LAMC3: variants seen among roughly 807,000 people sequenced by gnomAD.
LAMC3 encodes laminin subunit gamma-3.
LAMC3 carries 128 observed loss-of-function variants against 173.8 expected under a neutral mutation model. The observed-to-expected ratio is 0.74, with a 90% CI of 0.64 to 0.85. LAMC3 has a LOEUF of 0.85. Among genes scored for constraint, LAMC3 ranks in the 40% least tolerant of loss-of-function variants. The pLI, the probability that LAMC3 is intolerant of heterozygous loss-of-function variation, is 0.00. For missense variants in LAMC3, 2,022 were observed against 2,156.0 expected, an observed-to-expected ratio of 0.94 and a Z score of 1.23; for synonymous variants, 897 against 909.1, an observed-to-expected ratio of 0.99 and a Z score of 0.24.
rs769703483 is a variant in LAMC3 at position 131,026,264 on chromosome 9, G to A, written c.374-21G>A. 2 of 1,613,746 alleles carry A rather than the reference G, an allele frequency of 1.2e-6. No individual in the cohort carries two copies. The highest frequency in any genetic ancestry group is 1.1e-5 in the South Asian group (1 of 91,064). ...ACCTCCTTCCCCTTCCATAAAATGG[G>A]CCCCGTTTTCCTGGCTGCAGGGAAG... is the stretch of plus-strand genomic sequence containing the variant. On this transcript the variant is annotated intron_variant, in intron 1 of 27. Coordinates refer to ENST00000361069, the MANE Select transcript of LAMC3 (RefSeq NM_006059.4). This position sits in a 1 kb window ranked among gnomAD's most constrained non-coding sequence, Gnocchi z 4.8.
chr9:131,071,199 G>A (rs368056865), intron 17 of LAMC3, among the ~76,000 whole-genome samples: 64 of 152,306 alleles, frequency 4.2e-4, no homozygotes, highest in African/African-American at 1.5e-3. Flanking sequence ...AGAAATCCTC[G>A]TGGGGCATCC....
Position 131,067,970 on chromosome 9 carries a change from C to T in LAMC3, c.2594-108C>T, listed in dbSNP as rs541321575. On this transcript the variant is annotated intron_variant, in intron 14 of 27. Transcript: ENST00000361069. Reference sequence around the variant, plus strand: ...GCGTCTGAATCTGGGCTGAATGTGCCGTATCATCTCTGGAGGCTCCCCCAT... The same window carrying T: ...GCGTCTGAATCTGGGCTGAATGTGCTGTATCATCTCTGGAGGCTCCCCCAT... The T allele has an allele frequency of 1.6e-4, 186 of 1,184,088 alleles. 3 individuals are homozygous for T. The South Asian group carries it at 1.9e-3, about 12-fold the overall frequency. The allele number at this position is 1,184,088 out of a possible 1,614,324, so 73.3% of individuals were successfully genotyped here.
At chr9:131,024,084 G>C (rs770388060) in intron 1 of LAMC3, among the ~76,000 whole-genome samples, 8 of 150,082 alleles carry the variant, frequency 5.3e-5, no homozygotes, top group Non-Finnish European at 1.2e-4. Context: ...TTCTAAGAAG[G>C]CTCTTCTAGT....
intron 1 of LAMC3, among the ~76,000 whole-genome samples, chr9:131,013,193 T>C (rs1258878683): frequency 3.3e-5 from 5 of 152,140 alleles, no homozygotes; most frequent in African/African-American, 1.2e-4. Flanking sequence ...GTCGCACAAC[T>C]CAATAAATGG....
At chr9:131,014,367 G>A (rs915897027) in intron 1 of LAMC3, among the ~76,000 whole-genome samples, 1 of 152,188 alleles carries the variant, frequency 6.6e-6, no homozygotes, top group Non-Finnish European at 1.5e-5. Context: ...CATGTCTGCC[G>A]ATCCCTGTGC....
rs1833726409 is a variant in LAMC3 at position 131,026,773 on chromosome 9, G to A, written c.678+184G>A. On this transcript the variant is annotated intron_variant, in intron 2 of 27. Transcript: ENST00000361069. The surrounding 1 kb of genome is among the most constrained non-coding windows in gnomAD (Gnocchi z 4.8). ...CGCCCAGGCTGGAGTGCAGTGACGC[G>A]ATTTCGGTTCACTGAAACCTCCGCC... Among the ~76,000 whole-genome samples the A allele has an allele frequency of 6.6e-6, 1 of 152,126 alleles. No individual in the cohort carries two copies. Among genetic ancestry groups the A allele is most frequent in the African/African-American group, 2.4e-5 (1 of 41,424 alleles).
At position 131,033,727 on chromosome 9, in the gene LAMC3, A is replaced by G. The variant is rs114929853; in HGVS notation, c.809+1552A>G. On this transcript the variant is annotated intron_variant, in intron 3 of 27. Transcript: ENST00000361069. ...GAGGCGGGAGGCGGCAGCTTGGACC[A>G]GAGGGCTGGGGTGTGGGGCGCGTGG... is the stretch of plus-strand genomic sequence containing the variant. 9.1e-3 allele frequency among the ~76,000 whole-genome samples: 1,389 copies of G among 152,208 alleles called. 22 individuals carry two copies. The highest frequency in any genetic ancestry group is 0.033 in the African/African-American group (1,351 of 41,510).
In LAMC3 at chr9:131,051,060, A is replaced by G. The variant is rs573219760; in HGVS notation, c.1631-1431A>G. ...AGGTAAGAAATTCCCCCAGCCAGGA[A>G]ACGCTCTGGGGCAGAGGGACACAGG... On this transcript the variant is annotated intron_variant, in intron 9 of 27. Transcript: ENST00000361069. 1.1e-4 allele frequency among the ~76,000 whole-genome samples: 17 copies of G among 151,864 alleles called. No individual in the cohort carries two copies. The South Asian group carries it at 3.5e-3, about 31-fold the overall frequency.
At chr9:131,031,251 C>T (rs949294354) in intron 2 of LAMC3, among the ~76,000 whole-genome samples, 6 of 152,270 alleles carry the variant, frequency 3.9e-5, no homozygotes, top group African/African-American at 1.4e-4. Flanking sequence ...TCAGCTGGAG[C>T]TGCTGCTGCT....
In LAMC3 at chr9:131,026,147, T is replaced by C. The variant is rs1833710773; in HGVS notation, c.374-138T>C. The C allele has an allele frequency of 6.6e-7, 1 of 1,516,646 alleles. No homozygotes were observed. Among genetic ancestry groups the C allele is most frequent in the Admixed American group, 2.0e-5 (1 of 49,490 alleles). 93.9% of individuals were successfully genotyped at this position (1,516,646 alleles called of 1,614,324 possible). A position where few individuals can be genotyped will look rare whatever the true frequency, so the allele number is the denominator to read the frequency against. On this transcript the variant is annotated intron_variant, in intron 1 of 27. Transcript: ENST00000361069. This position sits in a 1 kb window ranked among gnomAD's most constrained non-coding sequence, Gnocchi z 4.8. ...CAGGCATCATGAATGGAGGGTGGCT[T>C]CCCCTGTCCAGAGCTCCAGACAGCT...
intron 23 of LAMC3, among the ~76,000 whole-genome samples, chr9:131,081,461 C>CCCTCCCTCCCTT (rs1830239454): frequency 6.9e-6 from 1 of 144,414 alleles, no homozygotes; most frequent in African/African-American, 2.5e-5. Context: ...CTCCCTCCCT[C>CCCTCCCTCCCTT]CCTTCCTTCC....
At position 131,065,114 on chromosome 9, in the gene LAMC3, G is replaced by A. The variant is rs564402198; in HGVS notation, c.2348-1846G>A. Among the ~76,000 whole-genome samples, 538 of 152,086 alleles carry A rather than the reference G, an allele frequency of 3.5e-3. 2 individuals carry two copies. Among genetic ancestry groups the A allele is most frequent in the South Asian group, 7.1e-3 (34 of 4,806 alleles). ...GGCAGCATTCTTGTCACCTCCAGGG[G>A]ACCATGGCTATTATTTGGGCCTGAC... On this transcript the variant is annotated intron_variant, in intron 13 of 27. Coordinates refer to ENST00000361069, the MANE Select transcript of LAMC3 (RefSeq NM_006059.4).
At chr9:131,030,807 G>A (rs1260211391) in intron 2 of LAMC3, among the ~76,000 whole-genome samples, 2 of 152,228 alleles carry the variant, frequency 1.3e-5, no homozygotes, top group African/African-American at 4.8e-5. Context: ...CCAGGCCTCA[G>A]CTCCTTGTCC....
At chr9:131,066,819 G>A in intron 13 of LAMC3, 141 bp from the exon 14 acceptor site, 1 of 1,116,436 alleles carries the variant, frequency 9.0e-7, no homozygotes, top group African/African-American at 1.5e-5. Flanking sequence ...GGCAGCCACT[G>A]GGGGCCGGTC....
At chr9:131,041,149 C>T (rs1025186978) in intron 6 of LAMC3, among the ~76,000 whole-genome samples, 1 of 152,070 alleles carries the variant, frequency 6.6e-6, no homozygotes, top group African/African-American at 2.4e-5. Context: ...GGTGGATCAC[C>T]TGAGGTCACG....
Position 131,026,170 on chromosome 9 carries a change from G to T in LAMC3, c.374-115G>T, listed in dbSNP as rs1833711342. The T allele has an allele frequency of 5.8e-6, 9 of 1,551,586 alleles. No individual in the cohort carries two copies. The highest frequency in any genetic ancestry group is 1.8e-4 in the Middle Eastern group (1 of 5,680). On this transcript the variant is annotated intron_variant, in intron 1 of 27. Coordinates refer to ENST00000361069, the MANE Select transcript of LAMC3 (RefSeq NM_006059.4). The surrounding 1 kb of genome is among the most constrained non-coding windows in gnomAD (Gnocchi z 4.8). ...CTTCCCCTGTCCAGAGCTCCAGACA[G>T]CTTCCAGCGATCCATCCACGCTAGT... is the stretch of plus-strand genomic sequence containing the variant.
At chr9:131,076,047 C>T in intron 21 of LAMC3, 82 bp downstream of exon 21, 2 of 1,362,036 alleles carry the variant, frequency 1.5e-6, no homozygotes, top group Non-Finnish European at 2.0e-6. Context: ...CTGCTGGTTC[C>T]AGAGCCAGCT....
chr9:131,032,535 T>TCTCTCTCTTGCTCTCTCTCG (rs1833849201), intron 3 of LAMC3, among the ~76,000 whole-genome samples: 2 of 128,182 alleles, frequency 1.6e-5, no homozygotes, highest in Non-Finnish European at 3.2e-5. Flanking sequence ...TCTCTCGCTG[T>TCTCTCTCTTGCTCTCTCTCG]CTCTCTCTCT....
At chr9:131,086,170 C>T (rs939034083) in intron 25 of LAMC3, among the ~76,000 whole-genome samples, 130 of 151,692 alleles carry the variant, frequency 8.6e-4, no homozygotes, top group Admixed American at 8.1e-3. Flanking sequence ...TCTCCGCCTC[C>T]TGGGTTCAAG....
Sources: gnomAD v4.1 joint callset for allele counts (sites outside exome capture counted in the v4.1 genomes callset) on GRCh38, gnomAD v4.1.1 for gene constraint, Gnocchi (gnomAD v3.1) non-coding constraint, MANE v1.5 for transcripts, NCBI Gene and HGNC (gene_info 2026-07-23, HGNC 2026-07-21) for gene names.